The following MYH14 variants were observed in gnomAD, a reference collection of about 807,000 sequenced individuals.
MYH14 encodes myosin heavy chain 14, also known as myosin-14.
Under a neutral mutation model 255.5 loss-of-function variants are expected in MYH14, and 123 were observed. The ratio of observed to expected loss-of-function variants is 0.48; its 90% CI spans 0.42 to 0.56. MYH14 has a LOEUF of 0.56. Among genes scored for constraint, MYH14 ranks in the 20% least tolerant of loss-of-function variants. MYH14 has a pLI of 0.00. For missense variants in MYH14, 2,423 were observed against 2,802.3 expected (o/e 0.86, Z 3.06); for synonymous variants, 1,095 against 1,161.2 (o/e 0.94, Z 1.16).
At chr19:50,225,761 C>G (rs2033061241) in intron 7 of MYH14, 84 bp downstream of exon 7, 1 of 866,832 alleles carries the variant, frequency 1.2e-6, no homozygotes, top group East Asian at 4.0e-5. Context: ...GGGAAAGACA[C>G]GTGGATCTGT....
rs763302988 is a variant in MYH14, at chr19:50,301,672, G to A, written c.5481G>A (p.Leu1827=). 2.5e-6 allele frequency: 4 copies of A among 1,612,930 alleles called. No individual in the cohort carries two copies. Among genetic ancestry groups the A allele is most frequent in the East Asian group, 4.5e-5 (2 of 44,850 alleles). Residue 1827 remains leucine (L), a synonymous_variant, in exon 40 of 43, where the codon CTG becomes CTA. Transcript: ENST00000642316. ...CCCTCCTGCTACAGGTAGAGTCACT[G>A]ACCACAGAGCTGTCAGCTGAGCGCA... The part of the protein sequence containing the change: ...YRKLLLQVES[L]TTELSAERSF...
chr19:50,214,531 A>T (rs142733161), intron 2 of MYH14, among the ~76,000 whole-genome samples: 1 of 152,258 alleles, frequency 6.6e-6, no homozygotes, highest in African/African-American at 2.4e-5. Context: ...CGGAAGATGC[A>T]TTATGTGATT....
At chr19:50,287,587 A>AT (rs1351710004) in intron 34 of MYH14, among the ~76,000 whole-genome samples, 2 of 151,006 alleles carry the variant, frequency 1.3e-5, no homozygotes, top group East Asian at 3.9e-4. Context: ...TGTTTTTTAA[A>AT]TTTTTTGTGG....
intron 34 of MYH14, 40 bp downstream of exon 34, chr19:50,286,734 G>A: frequency 6.6e-7 from 1 of 1,526,098 alleles, no homozygotes; most frequent in Non-Finnish European, 8.9e-7. Flanking sequence ...ACTGGGTGAG[G>A]GGAGACACGT....
intron 18 of MYH14, chr19:50,258,398 T>A (rs146694097): frequency 1.3e-5 from 2 of 152,118 alleles, no homozygotes; most frequent in Admixed American, 1.3e-4. Context: ...TTGTACTGTT[T>A]AGATTTTTGC....
intron 41 of MYH14, 96 bp downstream of exon 41, chr19:50,307,253 A>G: frequency 1.4e-6 from 1 of 732,620 alleles, no homozygotes; most frequent in South Asian, 1.6e-5. Flanking sequence ...TCCCATCACA[A>G]GAAGCAATGT....
chr19:50,272,736 A>AG lies in MYH14; in HGVS notation c.3467+8dup. 2 of 1,549,670 alleles carry AG rather than the reference A, an allele frequency of 1.3e-6. No individual in the cohort carries two copies. The highest frequency in any genetic ancestry group is 1.7e-6 in the Non-Finnish European group (2 of 1,146,978). ...GCTGCAGGCTGCCCTGGCCAGGTGC[A>AG]GGGTGGGGTGGGCTTGGTGGGGTAA... is the stretch of plus-strand genomic sequence containing the variant. On this transcript the variant is annotated splice_donor_region_variant and intron_variant, in intron 27 of 42. Coordinates refer to ENST00000642316, the MANE Select transcript of MYH14 (RefSeq NM_001145809.2).
rs369572556 is a variant in MYH14 at position 50,290,860 on chromosome 19, C to A, written c.4966-27C>A. The A allele has an allele frequency of 4.4e-5, 68 of 1,546,746 alleles. No individual in the cohort carries two copies. In the African/African-American group the frequency reaches 8.9e-4, roughly 20 times the overall value. Reference sequence around the variant, plus strand: ...GGGAGGCTGGGCTTCCTGTGTCTGACCCGGTCCCTCCTGACCTCCTCTCCA... The same window carrying A: ...GGGAGGCTGGGCTTCCTGTGTCTGAACCGGTCCCTCCTGACCTCCTCTCCA... On this transcript the variant is annotated intron_variant, in intron 35 of 42. Transcript: ENST00000642316.
chr19:50,303,159 C>CG (rs2036549959), intron 40 of MYH14, among the ~76,000 whole-genome samples: 2 of 152,122 alleles, frequency 1.3e-5, no homozygotes, highest in African/African-American at 4.8e-5. Context: ...AAGTTCTGCT[C>CG]ATTTGGGCTT....
chr19:50,309,250 C>A, intron 42 of MYH14, 73 bp downstream of exon 42: 1 of 1,459,228 alleles, frequency 6.9e-7, no homozygotes, highest in Non-Finnish European at 9.6e-7. Flanking sequence ...GACGCGAGGC[C>A]GTGCCAGGGG....
intron 41 of MYH14, among the ~76,000 whole-genome samples, chr19:50,307,686 C>T (rs1029275216): frequency 3.3e-5 from 5 of 152,186 alleles, no homozygotes; most frequent in Non-Finnish European, 7.3e-5. Flanking sequence ...GTTACTGTGT[C>T]ATAAGCAACT....
chr19:50,297,663 A>AT (rs112846652), intron 39 of MYH14, among the ~76,000 whole-genome samples: 1 of 149,730 alleles, frequency 6.7e-6, no homozygotes, highest in Admixed American at 6.7e-5. Flanking sequence ...CATCTGGCTA[A>AT]TTTTTTTTGT....
chr19:50,251,316 C>G (rs1285734091), intron 15 of MYH14, among the ~76,000 whole-genome samples: 1 of 151,910 alleles, frequency 6.6e-6, no homozygotes, highest in Non-Finnish European at 1.5e-5. Flanking sequence ...ACAAAAAGAG[C>G]CACAGATAAT....
chr19:50,277,114 A>G lies in MYH14; in HGVS notation c.3825+213A>G, dbSNP rs568937333. ...CTGGGGAACCAGCCATGAACCCAAC[A>G]ACCAGCACTGCCTTCCCTTGTGGAG... is the stretch of plus-strand genomic sequence containing the variant. On this transcript the variant is annotated intron_variant, in intron 29 of 42. Transcript: ENST00000642316. Among the ~76,000 whole-genome samples the G allele has an allele frequency of 9.8e-5, 15 of 152,340 alleles. No homozygotes were observed. In the East Asian group the frequency reaches 2.7e-3, roughly 27 times the overall value.
intron 22 of MYH14, among the ~76,000 whole-genome samples, chr19:50,264,703 G>A (rs1485880756): frequency 6.6e-6 from 1 of 152,200 alleles, no homozygotes; most frequent in Non-Finnish European, 1.5e-5. Context: ...ACCTTGGCCA[G>A]CCTGGTCTCT....
intron 1 of MYH14, among the ~76,000 whole-genome samples, chr19:50,204,494 C>T (rs57073738): frequency 0.036 from 5,479 of 152,252 alleles, 325 homozygotes; most frequent in East Asian, 0.25. Context: ...AATTCCAGAC[C>T]TCCCTCTTAC....
intron 16 of MYH14, among the ~76,000 whole-genome samples, chr19:50,253,737 C>A (rs2034487327): frequency 6.6e-6 from 1 of 152,150 alleles, no homozygotes; most frequent in Non-Finnish European, 1.5e-5. Flanking sequence ...TTTTCCAAGC[C>A]TTTTCTGCCA....
intron 29 of MYH14, among the ~76,000 whole-genome samples, chr19:50,277,822 C>T (rs1201652629): frequency 6.6e-6 from 1 of 151,624 alleles, no homozygotes; most frequent in African/African-American, 2.4e-5. Context: ...GAGGCTGAGA[C>T]AGGAGAATCA....
intron 30 of MYH14, among the ~76,000 whole-genome samples, chr19:50,278,943 G>A (rs376505552): frequency 7.2e-5 from 11 of 151,902 alleles, no homozygotes; most frequent in African/African-American, 1.7e-4. Context: ...AGCTGAGACC[G>A]CGCCATTGCG....
Sources: allele counts gnomAD v4.1 joint callset (sites outside exome capture counted in the v4.1 genomes callset), GRCh38; gene constraint gnomAD v4.1.1; transcripts MANE v1.5; gene names NCBI Gene and HGNC (gene_info 2026-07-23, HGNC 2026-07-21).